Variants in SGCE observed in about 807,000 individuals in gnomAD.
SGCE encodes epsilon-sarcoglycan.
In SGCE, 26 loss-of-function variants were observed where a neutral mutation model predicts 57.8. The observed-to-expected ratio is 0.45, with a 90% confidence interval of 0.33 to 0.62. SGCE has a LOEUF of 0.62. Among genes scored for constraint, SGCE ranks in the 20% least tolerant of loss-of-function variants. SGCE has a pLI of 0.02. For synonymous variants in SGCE, 183 were observed against 189.5 expected (o/e 0.97, Z 0.28); for missense variants, 468 against 548.6 (o/e 0.85, Z 1.47).
At chr7:94,639,715 C>T (rs891953247) in intron 1 of SGCE, among the ~76,000 whole-genome samples, 3 of 152,108 alleles carry the variant, frequency 2.0e-5, no homozygotes, top group Non-Finnish European at 2.9e-5. Flanking sequence ...CATACATACA[C>T]ATATATACAC....
intron 3 of SGCE, chr7:94,626,559 A>G (rs1803744896): frequency 6.6e-6 from 1 of 152,060 alleles, no homozygotes; most frequent in South Asian, 2.1e-4. Flanking sequence ...GAAATATAAC[A>G]GTAATTTATA....
chr7:94,610,043 C>T (rs1186148495), intron 5 of SGCE, among the ~76,000 whole-genome samples: 2 of 152,014 alleles, frequency 1.3e-5, no homozygotes, highest in East Asian at 3.9e-4. Flanking sequence ...AATAAGCTAT[C>T]GAGCCATGAA....
intron 1 of SGCE, among the ~76,000 whole-genome samples, chr7:94,646,623 T>C (rs186358904): frequency 1.1e-3 from 161 of 152,274 alleles, no homozygotes; most frequent in African/African-American, 3.6e-3. Flanking sequence ...CAAAACAGTA[T>C]ACAGGCACTA....
At chr7:94,602,601 G>A (rs1799436492) in intron 6 of SGCE, among the ~76,000 whole-genome samples, 1 of 150,574 alleles carries the variant, frequency 6.6e-6, no homozygotes, top group Non-Finnish European at 1.5e-5. Flanking sequence ...AAAAAACAAA[G>A]AATTGAAACA....
chr7:94,632,601 A>ATGTGACT (rs1804882149), intron 1 of SGCE, among the ~76,000 whole-genome samples: 1 of 152,148 alleles, frequency 6.6e-6, no homozygotes, highest in Admixed American at 6.6e-5. Flanking sequence ...CATCATCTAG[A>ATGTGACT]AATGGAAAAT....
Position 94,598,962 on chromosome 7 carries a change from T to G in SGCE, c.1066A>C (p.Ile356Leu), listed in dbSNP as rs1443688564. 6.2e-7 allele frequency: 1 copy of G among 1,612,590 alleles called. No individual in the cohort carries two copies. The highest frequency in any genetic ancestry group is 1.7e-5 in the Admixed American group (1 of 59,958). ...VEKRNMQTPD[I>L]QLVHHSAIQK... ...ATAGCACTGTGATGGACCAGTTGGA[T>G]GCTAGGTCAAAAAGAAATAAAACAA... Residue 356 changes from isoleucine (I) to leucine (L), a missense_variant and splice_region_variant, in exon 9 of 11, where the codon ATC becomes CTC. Coordinates refer to ENST00000648936, the MANE Select transcript of SGCE (RefSeq NM_003919.3).
chr7:94,643,541 C>T (rs1806679648), intron 1 of SGCE, among the ~76,000 whole-genome samples: 1 of 152,062 alleles, frequency 6.6e-6, no homozygotes, highest in East Asian at 1.9e-4. Context: ...GACTGAAGTC[C>T]AATAAATCCC....
intron 5 of SGCE, among the ~76,000 whole-genome samples, chr7:94,605,471 A>G (rs1300095623): frequency 6.6e-6 from 1 of 150,586 alleles, no homozygotes; most frequent in Non-Finnish European, 1.5e-5. Flanking sequence ...ATATATCTAC[A>G]TATATGTTTA....
chr7:94,625,746 CACTGTGTGAAT>C (rs1405713908), intron 3 of SGCE: 1 of 151,962 alleles, frequency 6.6e-6, no homozygotes, highest in Non-Finnish European at 1.5e-5. Flanking sequence ...TCTGAACATT[CACTGTGTGAAT>C]ACACCAAGAT....
intron 1 of SGCE, among the ~76,000 whole-genome samples, chr7:94,650,639 A>G (rs895030941): frequency 6.6e-6 from 1 of 152,216 alleles, no homozygotes; most frequent in African/African-American, 2.4e-5. Flanking sequence ...TTTCAGGTCT[A>G]CACTAAAATG....
intron 10 of SGCE, chr7:94,587,478 A>G: frequency 1.6e-6 from 2 of 1,258,148 alleles, no homozygotes; most frequent in Non-Finnish European, 2.0e-6. Context: ...AAGAAGTTCT[A>G]TCATTTCTAT....
chr7:94,585,587 A>G (rs1796782681), intron 10 of SGCE, 72 bp from the exon 11 acceptor site: 14 of 949,070 alleles, frequency 1.5e-5, no homozygotes, highest in Non-Finnish European at 2.4e-5. Context: ...TGAGCAAAGC[A>G]AATTATGGCA....
chr7:94,654,704 G>A (rs375584720), intron 1 of SGCE, among the ~76,000 whole-genome samples: 1 of 152,196 alleles, frequency 6.6e-6, no homozygotes, highest in South Asian at 2.1e-4. Context: ...CTCTTTTAAA[G>A]TGCGGTGTCT....
At chr7:94,585,664 G>T (rs1024809072) in intron 10 of SGCE, 149 bp from the exon 11 acceptor site, 10 of 637,566 alleles carry the variant, frequency 1.6e-5, no homozygotes, top group Admixed American at 9.3e-5. Context: ...TCTGTATTTG[G>T]TTTTTTTAAA....
intron 6 of SGCE, among the ~76,000 whole-genome samples, chr7:94,602,136 T>C (rs1036322622): frequency 1.3e-5 from 2 of 152,160 alleles, no homozygotes; most frequent in African/African-American, 4.8e-5. Context: ...TTAGGGTCTG[T>C]TGGCCACTGA....
intron 5 of SGCE, among the ~76,000 whole-genome samples, chr7:94,608,653 C>A (rs950166314): frequency 6.6e-6 from 1 of 152,190 alleles, no homozygotes; most frequent in Admixed American, 6.5e-5. Flanking sequence ...TGAGGACTGA[C>A]ACTACCCAAC....
Position 94,650,443 on chromosome 7 carries a change from A to AG in SGCE, c.109+5546dup, listed in dbSNP as rs1017789060. 6.9e-5 allele frequency among the ~76,000 whole-genome samples: 10 copies of AG among 144,010 alleles called. 1 individual carries two copies. Among genetic ancestry groups the AG allele is most frequent in the Admixed American group, 6.9e-4 (10 of 14,544 alleles). 94.5% of individuals were successfully genotyped at this position (144,010 alleles called of 152,430 possible). On this transcript the variant is annotated intron_variant, in intron 1 of 10. Coordinates refer to ENST00000648936, the MANE Select transcript of SGCE (RefSeq NM_003919.3). ...AATTAAGCAAGTTAAGACACTTTGCAGGGGGAAAAGGAATCTTTCATCTTC... is the reference window on the plus strand; with the variant it reads ...AATTAAGCAAGTTAAGACACTTTGCAGGGGGGAAAAGGAATCTTTCATCTTC...
intron 5 of SGCE, among the ~76,000 whole-genome samples, chr7:94,608,103 G>T (rs2116779634): frequency 6.6e-6 from 1 of 152,310 alleles, no homozygotes; most frequent in African/African-American, 2.4e-5. Flanking sequence ...CAGCAGTTTT[G>T]CAGGCCGAGG....
chr7:94,652,201 G>A (rs965884826), intron 1 of SGCE, among the ~76,000 whole-genome samples: 8 of 152,052 alleles, frequency 5.3e-5, no homozygotes, highest in Non-Finnish European at 1.0e-4. Context: ...AATTTCTAAC[G>A]AACACAGACC....
Sources: gnomAD v4.1 joint callset for allele counts (sites outside exome capture counted in the v4.1 genomes callset) on GRCh38, gnomAD v4.1.1 for gene constraint, MANE v1.5 for transcripts, NCBI Gene and HGNC (gene_info 2026-07-23, HGNC 2026-07-21) for gene names.